Variants in MAGI1 observed in about 807,000 individuals in gnomAD.
The protein encoded by MAGI1 is membrane-associated guanylate kinase, WW and PDZ domain-containing protein 1.
In MAGI1, 58 loss-of-function variants were observed where a neutral mutation model predicts 139.9. The ratio of observed to expected loss-of-function variants is 0.41; its 90% confidence interval spans 0.34 to 0.52. MAGI1 has a LOEUF of 0.52. Among genes scored for constraint, MAGI1 ranks in the 20% least tolerant of loss-of-function variants. The pLI, the probability that MAGI1 is intolerant of heterozygous loss-of-function variation, is 0.12. For synonymous variants in MAGI1, 812 were observed against 737.9 expected (o/e 1.10, Z -1.63); for missense variants, 1,874 against 1,901.6 (o/e 0.99, Z 0.27).
intron 18 of MAGI1, among the ~76,000 whole-genome samples, chr3:65,373,499 C>A (rs1392543929): frequency 1.3e-5 from 2 of 152,102 alleles, no homozygotes; most frequent in Admixed American, 1.3e-4. Context: ...AAAGTGAGCA[C>A]CCGCTGTTGG....
intron 1 of MAGI1, among the ~76,000 whole-genome samples, chr3:65,807,722 T>C (rs1296545918): frequency 6.6e-6 from 1 of 151,972 alleles, no homozygotes; most frequent in Non-Finnish European, 1.5e-5. Flanking sequence ...TGGTAGTGAG[T>C]GAAGTAGGCC....
At chr3:65,826,397 CAT>C (rs1282857510) in intron 1 of MAGI1, among the ~76,000 whole-genome samples, 10 of 152,186 alleles carry the variant, frequency 6.6e-5, no homozygotes, top group Non-Finnish European at 1.2e-4. Context: ...TATTTTTAAA[CAT>C]GTGTTGAAAG....
chr3:65,532,596 G>C (rs548669251), intron 2 of MAGI1, among the ~76,000 whole-genome samples: 10 of 152,312 alleles, frequency 6.6e-5, no homozygotes, highest in Non-Finnish European at 1.3e-4. Context: ...ACTGGCTACA[G>C]TGCAAAAACA....
chr3:65,910,792 C>T (rs1311754443), intron 1 of MAGI1, among the ~76,000 whole-genome samples: 1 of 150,944 alleles, frequency 6.6e-6, no homozygotes, highest in Admixed American at 6.6e-5. Context: ...TAAATCTCTG[C>T]TCATCACCTA....
intron 4 of MAGI1, 96 bp downstream of exon 4, chr3:65,478,496 C>A: frequency 8.2e-7 from 1 of 1,215,426 alleles, no homozygotes; most frequent in Non-Finnish European, 1.2e-6. Context: ...CTACAAAATC[C>A]CTCCTGAGAA....
chr3:66,036,264 A>G (rs2068911901), intron 1 of MAGI1, among the ~76,000 whole-genome samples: 1 of 152,234 alleles, frequency 6.6e-6, no homozygotes, highest in African/African-American at 2.4e-5. Flanking sequence ...TGTTGGGTGC[A>G]CTTTCCACGT....
chr3:65,669,246 A>G (rs775693961), intron 1 of MAGI1, among the ~76,000 whole-genome samples: 3 of 152,284 alleles, frequency 2.0e-5, no homozygotes, highest in Non-Finnish European at 4.4e-5. Context: ...ACTTTTTAAG[A>G]TTAGAAAACA....
At chr3:65,373,642 C>T (rs1942213187) in intron 18 of MAGI1, among the ~76,000 whole-genome samples, 1 of 152,202 alleles carries the variant, frequency 6.6e-6, no homozygotes, top group Non-Finnish European at 1.5e-5. Flanking sequence ...ATTTGGCTCT[C>T]TCAATCACTT....
intron 1 of MAGI1, among the ~76,000 whole-genome samples, chr3:65,786,554 C>T (rs1246291481): frequency 2.0e-5 from 3 of 151,676 alleles, no homozygotes; most frequent in Non-Finnish European, 4.4e-5. Context: ...CCTACCACCT[C>T]AGCCTCCAAG....
chr3:65,855,217 C>A (rs2059334221), intron 1 of MAGI1, among the ~76,000 whole-genome samples: 1 of 135,122 alleles, frequency 7.4e-6, no homozygotes. Flanking sequence ...TGTGAGTCCA[C>A]AAGAGAAAAA....
chr3:65,995,738 T>G (rs976436789), intron 1 of MAGI1, among the ~76,000 whole-genome samples: 1 of 152,204 alleles, frequency 6.6e-6, no homozygotes, highest in Non-Finnish European at 1.5e-5. Context: ...TCTATTCCCA[T>G]TTGTAATTAT....
At chr3:65,708,457 G>C (rs1291086189) in intron 1 of MAGI1, among the ~76,000 whole-genome samples, 2 of 152,206 alleles carry the variant, frequency 1.3e-5, no homozygotes, top group African/African-American at 4.8e-5. Flanking sequence ...CGAAGAAGCA[G>C]AGACGGACTG....
chr3:65,547,113 G>T (rs2079541824), intron 2 of MAGI1, among the ~76,000 whole-genome samples: 1 of 152,146 alleles, frequency 6.6e-6, no homozygotes, highest in Non-Finnish European at 1.5e-5. Context: ...AGTCCATGCT[G>T]ACTTATAAAA....
At chr3:65,817,738 A>ATGTCATCAAAG (rs1163647065) in intron 1 of MAGI1, among the ~76,000 whole-genome samples, 3 of 152,186 alleles carry the variant, frequency 2.0e-5, no homozygotes, top group African/African-American at 7.2e-5. Flanking sequence ...ATTCTGCTCT[A>ATGTCATCAAAG]TGTCATCAAA....
chr3:65,658,255 G>C (rs1456420298), intron 1 of MAGI1, among the ~76,000 whole-genome samples: 1 of 137,986 alleles, frequency 7.2e-6, no homozygotes, highest in Non-Finnish European at 1.6e-5. Context: ...GAATGTTACA[G>C]TTCTCTTTAT....
At chr3:65,549,203 C>T (rs1303642761) in intron 2 of MAGI1, among the ~76,000 whole-genome samples, 1 of 152,146 alleles carries the variant, frequency 6.6e-6, no homozygotes, top group East Asian at 1.9e-4. Flanking sequence ...GAAGGGGGAA[C>T]TTGAACGCCC....
In MAGI1 at chr3:65,509,463, C is replaced by T. The variant is rs149107756; in HGVS notation, c.431-15832G>A. The stretch of plus-strand genomic sequence containing the variant: ...GTGGGTGCGCGTACCGTGCGCAAGC[C>T]GAAGCAGGGTGAGGCACTGCCTCAC... On this transcript the variant is annotated intron_variant, in intron 2 of 22. Coordinates refer to ENST00000402939, the MANE Select transcript of MAGI1 (RefSeq NM_001033057.2). Among the ~76,000 whole-genome samples the T allele has an allele frequency of 8.8e-3, 1,335 of 152,264 alleles. 8 individuals are homozygous for T. The highest frequency in any genetic ancestry group is 0.015 in the Non-Finnish European group (1,008 of 68,024).
At chr3:65,731,069 G>C (rs1015839321) in intron 1 of MAGI1, among the ~76,000 whole-genome samples, 1 of 151,962 alleles carries the variant, frequency 6.6e-6, no homozygotes, top group African/African-American at 2.4e-5. Context: ...CGTGCAACAG[G>C]GCATTTCTTC....
Position 65,465,635 on chromosome 3 carries a change from G to T in MAGI1, c.959+4648C>A, listed in dbSNP as rs547668696. Among the ~76,000 whole-genome samples the T allele has an allele frequency of 2.0e-5, 3 of 152,188 alleles. No homozygotes were observed. The East Asian group carries it at 5.8e-4, about 29-fold the overall frequency. On this transcript the variant is annotated intron_variant, in intron 5 of 22. Transcript: ENST00000402939. ...TACTTGTTTCACTAACATACATAGG[G>T]TGTCATTTCTCATCGCTTTCAACCT...
Sources: gnomAD v4.1 joint callset for allele counts (sites outside exome capture counted in the v4.1 genomes callset) on GRCh38, gnomAD v4.1.1 for gene constraint, MANE v1.5 for transcripts, NCBI Gene and HGNC (gene_info 2026-07-23, HGNC 2026-07-21) for gene names.